The following CTTNBP2 variants were observed in gnomAD, a reference collection of about 807,000 sequenced individuals.
CTTNBP2 encodes the protein cortactin-binding protein 2.
In CTTNBP2, 108 loss-of-function variants were observed where a neutral mutation model predicts 156.9. The ratio of observed to expected loss-of-function variants is 0.69; its 90% confidence interval spans 0.59 to 0.81. The LOEUF (loss-of-function observed/expected upper bound fraction) is 0.81. Among genes scored for constraint, CTTNBP2 ranks in the 30% least tolerant of loss-of-function variants. CTTNBP2 has a pLI of 0.00. For synonymous variants in CTTNBP2, 767 were observed against 751.8 expected, an observed-to-expected ratio of 1.02 and a Z score of -0.33; for missense variants, 1,924 against 2,035.4, an observed-to-expected ratio of 0.95 and a Z score of 1.05.
chr7:117,760,500 G>A lies in CTTNBP2; in HGVS notation c.3107C>T (p.Thr1036Ile). The A allele has an allele frequency of 6.2e-7, 1 of 1,614,144 alleles. No homozygotes were observed. ...GTTGGAATCAGTGGTGTTATTGCAA[G>A]TCACGTCTTCCAGACTCCACCATCC... is the stretch of plus-strand genomic sequence containing the variant. ...SDGWWSLEDV[T>I]CNNTTDSNIG... Residue 1036 changes from threonine (T) to isoleucine (I), a missense_variant, in exon 10 of 23, where the codon ACT becomes ATT. Physicochemically the swap from Thr to Ile is moderately conservative, Grantham distance 89 (BLOSUM62 -1). Coordinates refer to ENST00000160373, the MANE Select transcript of CTTNBP2 (RefSeq NM_033427.3).
chr7:117,764,500 T>G (rs536930268), intron 9 of CTTNBP2, among the ~76,000 whole-genome samples: 3 of 152,322 alleles, frequency 2.0e-5, no homozygotes, highest in African/African-American at 7.2e-5. Context: ...CCCCTATGCA[T>G]ATTTTTACAC....
Position 117,756,554 on chromosome 7 carries a change from C to G in CTTNBP2, c.3348+1G>C. The stretch of plus-strand genomic sequence containing the variant: ...GTCTCCACCCAGCAGTGTCCACCTA[C>G]CAGCCTGAGGTAGTTCTGCATCATC... On this transcript the variant is annotated splice_donor_variant, in intron 12 of 22. Transcript: ENST00000160373. LOFTEE classifies it high-confidence loss of function. The G allele has an allele frequency of 6.2e-7, 1 of 1,610,654 alleles. No homozygotes were observed. Among genetic ancestry groups the G allele is most frequent in the Non-Finnish European group, 8.5e-7 (1 of 1,176,914 alleles).
At chr7:117,846,823 T>C (rs1802611204) in intron 2 of CTTNBP2, among the ~76,000 whole-genome samples, 1 of 152,128 alleles carries the variant, frequency 6.6e-6, no homozygotes, top group Admixed American at 6.6e-5. Flanking sequence ...TTAAACATTG[T>C]GACTTTTTTC....
intron 2 of CTTNBP2, among the ~76,000 whole-genome samples, chr7:117,853,634 T>TA (rs1176109318): frequency 7.2e-5 from 11 of 152,322 alleles, no homozygotes; most frequent in Non-Finnish European, 1.3e-4. Context: ...ACAGTCCCCA[T>TA]AATTGTGATC....
intron 14 of CTTNBP2, among the ~76,000 whole-genome samples, chr7:117,739,350 CCTTTTTACCTTCGGCCAAAAAG>C (rs1795871904): frequency 6.6e-6 from 1 of 152,302 alleles, no homozygotes; most frequent in South Asian, 2.1e-4. Context: ...GCTGCAGGTT[CCTTTTTACCTTCGGCCAAAAAG>C]TCAGCCATTT....
intron 16 of CTTNBP2, 26 bp from the exon 17 acceptor site, chr7:117,728,293 A>G: frequency 6.4e-7 from 1 of 1,569,278 alleles, no homozygotes; most frequent in Non-Finnish European, 8.7e-7. Context: ...GGTGGAACCC[A>G]GGGGCTTGGT....
intron 13 of CTTNBP2, 36 bp from the exon 14 acceptor site, chr7:117,745,966 C>T (rs755182994): frequency 1.9e-6 from 3 of 1,610,236 alleles, no homozygotes; most frequent in African/African-American, 1.3e-5. Context: ...GTTCTACGCA[C>T]TTGCCAATTT....
chr7:117,742,121 T>G (rs1476582916), intron 14 of CTTNBP2, among the ~76,000 whole-genome samples: 2 of 152,158 alleles, frequency 1.3e-5, no homozygotes, highest in Non-Finnish European at 2.9e-5. Context: ...GAAGCGTCAT[T>G]TGAGGTGTCC....
At chr7:117,713,981 A>AG (rs1334274008) in intron 22 of CTTNBP2, 23 of 152,222 alleles carry the variant, frequency 1.5e-4, no homozygotes, top group African/African-American at 5.5e-4. Flanking sequence ...TAGCTTAGAA[A>AG]GGCAAGAGCT....
intron 12 of CTTNBP2, among the ~76,000 whole-genome samples, chr7:117,749,866 A>G (rs1341269973): frequency 6.6e-6 from 1 of 152,046 alleles, no homozygotes; most frequent in Non-Finnish European, 1.5e-5. Flanking sequence ...TTTCAGTTCT[A>G]TTTTTCTGTG....
chr7:117,778,096 G>A (rs1276877841), intron 7 of CTTNBP2, among the ~76,000 whole-genome samples: 1 of 152,158 alleles, frequency 6.6e-6, no homozygotes, highest in African/African-American at 2.4e-5. Flanking sequence ...CTATGAAAGA[G>A]AATGAACTTT....
chr7:117,746,645 T>C (rs1243389553), intron 12 of CTTNBP2, among the ~76,000 whole-genome samples: 1 of 152,222 alleles, frequency 6.6e-6, no homozygotes, highest in Non-Finnish European at 1.5e-5. Flanking sequence ...GTTTAAAAGA[T>C]GGGTACATGA....
intron 7 of CTTNBP2, among the ~76,000 whole-genome samples, chr7:117,780,173 T>C (rs1409207227): frequency 6.6e-6 from 1 of 152,208 alleles, no homozygotes; most frequent in African/African-American, 2.4e-5. Flanking sequence ...TCTGCCCTAG[T>C]TCTAAAAATA....
At chr7:117,767,024 G>T in intron 9 of CTTNBP2, 35 bp downstream of exon 9, 1 of 1,151,108 alleles carries the variant, frequency 8.7e-7, no homozygotes, top group Non-Finnish European at 1.3e-6. Context: ...GCAGCATAGG[G>T]GAAAGATAAA....
intron 2 of CTTNBP2, among the ~76,000 whole-genome samples, chr7:117,832,556 A>C (rs1801674636): frequency 6.7e-6 from 1 of 148,430 alleles, no homozygotes. Flanking sequence ...ACATACTACC[A>C]CTCATCTCCT....
At chr7:117,812,536 T>C (rs1800352870) in intron 2 of CTTNBP2, among the ~76,000 whole-genome samples, 1 of 152,090 alleles carries the variant, frequency 6.6e-6, no homozygotes, top group South Asian at 2.1e-4. Flanking sequence ...TCAACTTAGA[T>C]TAATAAATAA....
At position 117,760,137 on chromosome 7, in the gene CTTNBP2, G is replaced by A. The variant is rs1797117344; in HGVS notation, c.3172+298C>T. 4 of 407,966 alleles carry A rather than the reference G, an allele frequency of 9.8e-6. 1 individual carries two copies. The South Asian group carries it at 1.0e-4, about 10-fold the overall frequency. The allele number at this position is 407,966 out of a possible 1,614,324, so 25.3% of individuals were successfully genotyped here. A position where few individuals can be genotyped will look rare whatever the true frequency, so the allele number is the denominator to read the frequency against. ...AGTACTTGCGCAAAAGCAAGCAGCTGTGGGGTGTTTAGTTTCTTGCATTTA... is the reference window on the plus strand; with the variant it reads ...AGTACTTGCGCAAAAGCAAGCAGCTATGGGGTGTTTAGTTTCTTGCATTTA... On this transcript the variant is annotated intron_variant, in intron 10 of 22. Transcript: ENST00000160373.
chr7:117,774,327 T>C (rs1290078763), intron 8 of CTTNBP2, among the ~76,000 whole-genome samples: 2 of 152,122 alleles, frequency 1.3e-5, no homozygotes, highest in African/African-American at 4.8e-5. Flanking sequence ...AAAGACTTAG[T>C]TTCTTTATCT....
intron 12 of CTTNBP2, among the ~76,000 whole-genome samples, chr7:117,747,988 T>C (rs1355103339): frequency 6.6e-6 from 1 of 152,010 alleles, no homozygotes; most frequent in Non-Finnish European, 1.5e-5. Flanking sequence ...TCCCGTAATA[T>C]TCTCTGAGTT....
Sources: gnomAD v4.1 joint callset for allele counts (sites outside exome capture counted in the v4.1 genomes callset) on GRCh38, gnomAD v4.1.1 for gene constraint, MANE v1.5 for transcripts, NCBI Gene and HGNC (gene_info 2026-07-23, HGNC 2026-07-21) for gene names.